The following PTGER4 variants were observed in gnomAD, a reference collection of about 807,000 sequenced individuals.
PTGER4 encodes prostaglandin E receptor 4, also known as prostaglandin E2 receptor EP4 subtype.
In PTGER4, 11 loss-of-function variants were observed where a neutral mutation model predicts 33.2. The observed-to-expected ratio is 0.33, with a 90% CI of 0.21 to 0.55. The LOEUF is 0.55. Ranked by LOEUF, PTGER4 falls within the 20% of genes least tolerant of loss-of-function variation. PTGER4 has a pLI of 0.92. For synonymous variants in PTGER4, 275 were observed against 281.5 expected (o/e 0.98, Z 0.23); for missense variants, 481 against 650.2 (o/e 0.74, Z 2.83).
the PTGER4 span, among the ~76,000 whole-genome samples, chr5:40,707,168 C>G: frequency 6.6e-6 from 1 of 152,176 alleles, no homozygotes; most frequent in Non-Finnish European, 1.5e-5. Flanking sequence ...GGATCAAATT[C>G]ACACATAACA....
chr5:40,680,897 T>TA lies in PTGER4; in HGVS notation c.-43-53dup. On this transcript the variant is annotated intron_variant, in intron 1 of 2. Transcript: ENST00000302472. This position sits in a 1 kb window ranked among gnomAD's most constrained non-coding sequence, Gnocchi z 5.5. Reference sequence around the variant, plus strand: ...TTTCTCGGGCGCGGGTCTAACACCTTACAAGTGGTAATTTCCGCTCACGGC... The same window carrying TA: ...TTTCTCGGGCGCGGGTCTAACACCTTAACAAGTGGTAATTTCCGCTCACGGC... 2 of 1,468,232 alleles carry TA rather than the reference T, an allele frequency of 1.4e-6. No homozygotes were observed. Among genetic ancestry groups the TA allele is most frequent in the South Asian group, 2.6e-5 (2 of 75,612 alleles). The allele number at this position is 1,468,232 out of a possible 1,614,324, so 91.0% of individuals were successfully genotyped here.
At chr5:40,729,356 C>T in the PTGER4 span, among the ~76,000 whole-genome samples, 12 of 152,168 alleles carry the variant, frequency 7.9e-5, no homozygotes, top group East Asian at 3.9e-4. Flanking sequence ...TGAATTGCAA[C>T]AATTCCCTGC....
At chr5:40,701,000 G>A in the PTGER4 span, among the ~76,000 whole-genome samples, 2 of 152,124 alleles carry the variant, frequency 1.3e-5, no homozygotes, top group African/African-American at 4.8e-5. Flanking sequence ...TAAAGCCTCA[G>A]CCCAGTGAAA....
rs868570343 is a variant in PTGER4 at position 40,692,715 on chromosome 5, C to G, written c.*337C>G. The G allele has an allele frequency of 9.6e-7, 1 of 1,043,922 alleles. No individual in the cohort carries two copies. The highest frequency in any genetic ancestry group is 1.2e-6 in the Non-Finnish European group (1 of 866,530). The allele number at this position is 1,043,922 out of a possible 1,614,324, so 64.7% of individuals were successfully genotyped here. Reference sequence around the variant, plus strand: ...CCAGAGCTTTGTCGTATTTGGCACACAGCAGAGGCCCAGATATTAGAAAGG... The same window carrying G: ...CCAGAGCTTTGTCGTATTTGGCACAGAGCAGAGGCCCAGATATTAGAAAGG... On this transcript the variant is annotated 3_prime_UTR_variant, in exon 3 of 3. Transcript: ENST00000302472.
chr5:40,691,978 G>A lies in PTGER4; in HGVS notation c.1067G>A (p.Arg356Lys). The change falls in exon 3 of 3, where the codon AGG becomes AAG. Residue 356 changes from arginine (R) to lysine (K), a missense_variant. Coordinates refer to ENST00000302472, the MANE Select transcript of PTGER4 (RefSeq NM_000958.3). This position sits in a 1 kb window ranked among gnomAD's most constrained non-coding sequence, Gnocchi z 4.2. ...TTCTGCCGCATTGGCGGGTCCCGCA[G>A]GGAGCGCTCCGGACAGCACTGCTCA... ...CLFCRIGGSRRERSGQHCSDS... is the reference protein window; with the variant it reads ...CLFCRIGGSRKERSGQHCSDS... The A allele has an allele frequency of 6.2e-7, 1 of 1,614,078 alleles. No homozygotes were observed. The highest frequency in any genetic ancestry group is 8.5e-7 in the Non-Finnish European group (1 of 1,180,026).
In PTGER4 at chr5:40,692,130, A is replaced by T. The variant is rs1741489809; in HGVS notation, c.1219A>T (p.Asn407Tyr). 6.2e-7 allele frequency: 1 copy of T among 1,614,126 alleles called. No homozygotes were observed. Residue 407 changes from asparagine to tyrosine, a missense_variant, in exon 3 of 3, where the codon AAT (asparagine) becomes TAT (tyrosine). By Grantham distance (143) the Asn-to-Tyr change is moderately radical. Transcript: ENST00000302472. ...PDLSLPDLSE[N>Y]GLGGRNLLPG... is the part of the protein sequence containing the mutation. ...CCTCTCACTGCCAGACCTCAGTGAA[A>T]ATGGCCTTGGAGGCAGGAATTTGCT...
chr5:40,685,866 G>T (rs1172156645), intron 2 of PTGER4, among the ~76,000 whole-genome samples: 1 of 152,026 alleles, frequency 6.6e-6, no homozygotes, highest in Non-Finnish European at 1.5e-5. Context: ...CTCCTAACAA[G>T]ATTTTTTTTC....
Position 40,681,454 on chromosome 5 carries a change from C to G in PTGER4, c.461C>G (p.Pro154Arg). Reference protein sequence around the residue: ...YASNVLFCALPNMGLGSSRLQ... With the variant: ...YASNVLFCALRNMGLGSSRLQ... ...TCCAACGTGCTCTTTTGCGCGCTGC[C>G]CAACATGGGTCTCGGTAGCTCGCGG... is the stretch of plus-strand genomic sequence containing the variant. The change falls in exon 2 of 3, where the codon CCC becomes CGC. Residue 154 changes from proline (P) to arginine (R), a missense_variant. Pro to Arg is a moderately radical substitution (Grantham distance 103). This residue lies in a region of PTGER4 where 43 missense variants were observed against 39.4 expected (regional missense o/e 1.09). Coordinates refer to ENST00000302472, the MANE Select transcript of PTGER4 (RefSeq NM_000958.3). This position sits in a 1 kb window ranked among gnomAD's most constrained non-coding sequence, Gnocchi z 9.8. The G allele has an allele frequency of 6.2e-7, 1 of 1,613,844 alleles. No individual in the cohort carries two copies. Among genetic ancestry groups the G allele is most frequent in the Non-Finnish European group, 8.5e-7 (1 of 1,180,044 alleles).
chr5:40,687,377 T>A (rs2111801185), intron 2 of PTGER4, among the ~76,000 whole-genome samples: 1 of 152,294 alleles, frequency 6.6e-6, no homozygotes, highest in Middle Eastern at 3.4e-3. Flanking sequence ...TTCAGTTTTA[T>A]CAGCAACACA....
the PTGER4 span, among the ~76,000 whole-genome samples, chr5:40,717,296 G>T: frequency 1.0e-3 from 155 of 151,588 alleles, no homozygotes; most frequent in Non-Finnish European, 1.4e-3. Context: ...ATATGAAGTA[G>T]GTATGGTTAT....
At chr5:40,734,989 G>A in the PTGER4 span, among the ~76,000 whole-genome samples, 1 of 152,198 alleles carries the variant, frequency 6.6e-6, no homozygotes, top group Non-Finnish European at 1.5e-5. Flanking sequence ...AGACCTGAGT[G>A]ACAAAACGTG....
At chr5:40,682,978 G>A (rs1741236665) in intron 2 of PTGER4, among the ~76,000 whole-genome samples, 1 of 152,216 alleles carries the variant, frequency 6.6e-6, no homozygotes, top group East Asian at 1.9e-4. Flanking sequence ...TACTTTGCCT[G>A]TGGCTAAAAT....
the PTGER4 span, among the ~76,000 whole-genome samples, chr5:40,711,717 T>C: frequency 6.6e-6 from 1 of 152,126 alleles, no homozygotes; most frequent in Non-Finnish European, 1.5e-5. Flanking sequence ...AAGGAACTTA[T>C]TATTGATACA....
the PTGER4 span, among the ~76,000 whole-genome samples, chr5:40,711,533 G>A: frequency 1.3e-5 from 2 of 151,940 alleles, no homozygotes; most frequent in Non-Finnish European, 1.5e-5. Flanking sequence ...CCATCCCTAG[G>A]TATTTACATA....
chr5:40,684,264 C>T (rs1741274207), intron 2 of PTGER4, among the ~76,000 whole-genome samples: 1 of 152,090 alleles, frequency 6.6e-6, no homozygotes. Flanking sequence ...GCTCAGAACT[C>T]TCTGACATTG....
chr5:40,716,704 A>G, the PTGER4 span, among the ~76,000 whole-genome samples: 1 of 152,208 alleles, frequency 6.6e-6, no homozygotes, highest in Non-Finnish European at 1.5e-5. Flanking sequence ...AGTGACTGAC[A>G]ATATGCTTAT....
downstream of PTGER4, chr5:40,693,764 A>G: frequency 1.0e-6 from 1 of 958,896 alleles, no homozygotes; most frequent in Non-Finnish European, 1.2e-6. Context: ...AGTTTGGGAA[A>G]ACTTGTGGGG....
chr5:40,711,530 T>C, the PTGER4 span, among the ~76,000 whole-genome samples: 3 of 152,106 alleles, frequency 2.0e-5, no homozygotes, highest in Non-Finnish European at 2.9e-5. Context: ...ATTCCATCCC[T>C]AGGTATTTAC....
the PTGER4 span, among the ~76,000 whole-genome samples, chr5:40,705,564 G>C: frequency 6.6e-6 from 1 of 152,134 alleles, no homozygotes; most frequent in African/African-American, 2.4e-5. Context: ...GAAAACATTT[G>C]CAAACTGTGC....
Sources: gnomAD v4.1 joint callset for allele counts (sites outside exome capture counted in the v4.1 genomes callset) on GRCh38, gnomAD v4.1.1 for gene constraint, gnomAD v4.1.1 regional missense constraint, Gnocchi (gnomAD v3.1) non-coding constraint, MANE v1.5 for transcripts, NCBI Gene and HGNC (gene_info 2026-07-23, HGNC 2026-07-21) for gene names.